Variants in NPM2 observed in about 807,000 individuals in gnomAD.
NPM2 encodes nucleoplasmin-2.
A neutral mutation model predicts 32.0 loss-of-function variants in NPM2; 25 were observed. The observed-to-expected ratio is 0.78, with a 90% CI of 0.57 to 1.09. NPM2 has a LOEUF of 1.09. NPM2 is among the 50% of genes least tolerant of loss of function. The pLI, the probability that NPM2 is intolerant of heterozygous loss-of-function variation, is 0.00. For missense variants in NPM2, 282 were observed against 259.9 expected, an observed-to-expected ratio of 1.08 and a Z score of -0.58; for synonymous variants, 111 against 94.2, an observed-to-expected ratio of 1.18 and a Z score of -1.04.
intron 5 of NPM2, among the ~76,000 whole-genome samples, chr8:22,032,320 A>G (rs370109442): frequency 1.3e-5 from 2 of 152,232 alleles, no homozygotes; most frequent in East Asian, 1.9e-4. Flanking sequence ...ATATCCATAC[A>G]TTATACATAA....
chr8:22,034,318 T>C (rs778851222), intron 7 of NPM2, 43 bp downstream of exon 7: 2 of 1,541,166 alleles, frequency 1.3e-6, no homozygotes, highest in Admixed American at 1.9e-5. Context: ...GTGGTACCCC[T>C]ACAGAAGCAC....
Position 22,034,737 on chromosome 8 carries a change from C to T in NPM2, c.566+193C>T, listed in dbSNP as rs188728436. Among the ~76,000 whole-genome samples the T allele has an allele frequency of 1.6e-3, 245 of 152,302 alleles. 1 individual carries two copies. The highest frequency in any genetic ancestry group is 5.5e-3 in the African/African-American group (229 of 41,558). ...TGGAAGAGCATTACAACGTTCTTAT[C>T]TTGGGATCTAATTCCAGTGAAGGCA... is the stretch of plus-strand genomic sequence containing the variant. On this transcript the variant is annotated intron_variant, in intron 8 of 9. Coordinates refer to ENST00000518119, the MANE Select transcript of NPM2 (RefSeq NM_001286680.2).
At chr8:22,035,420 C>G (rs144118992) in intron 8 of NPM2, among the ~76,000 whole-genome samples, 3 of 152,020 alleles carry the variant, frequency 2.0e-5, no homozygotes, top group Non-Finnish European at 4.4e-5. Flanking sequence ...ACTATAGGCA[C>G]GTGCCACTAT....
Position 22,036,755 on chromosome 8 carries a change from G to A in NPM2, c.*73G>A. On this transcript the variant is annotated 3_prime_UTR_variant, in exon 10 of 10. Transcript: ENST00000518119. ...TGTGCTGCAGGCACAGGGTGCCCCT[G>A]TCCAGCCCCTCCACCTGTGTCTGAA... 7.0e-7 allele frequency: 1 copy of A among 1,433,152 alleles called. No individual in the cohort carries two copies. Among genetic ancestry groups the A allele is most frequent in the South Asian group, 1.4e-5 (1 of 73,654 alleles). 88.8% of individuals were successfully genotyped at this position (1,433,152 alleles called of 1,614,324 possible). A position where few individuals can be genotyped will look rare whatever the true frequency, so the allele number is the denominator to read the frequency against.
intron 5 of NPM2, among the ~76,000 whole-genome samples, chr8:22,028,363 T>A (rs1052787370): frequency 5.3e-5 from 8 of 149,646 alleles, no homozygotes; most frequent in South Asian, 4.3e-4. Flanking sequence ...TTTTTTTTTT[T>A]TTTTTGAGAC....
intron 5 of NPM2, 105 bp from the exon 6 acceptor site, chr8:22,033,025 G>A (rs2117462181): frequency 1.2e-6 from 1 of 812,876 alleles, no homozygotes; most frequent in Non-Finnish European, 2.2e-6. Flanking sequence ...TGAGTAGTGT[G>A]TAGGGTTTGG....
intron 6 of NPM2, 88 bp downstream of exon 6, chr8:22,033,311 A>G: frequency 9.6e-7 from 1 of 1,039,928 alleles, no homozygotes; most frequent in Non-Finnish European, 1.5e-6. Context: ...CACTGGAGGG[A>G]TTCTTGAATG....
At chr8:22,030,112 C>G (rs1256223731) in intron 5 of NPM2, among the ~76,000 whole-genome samples, 1 of 152,152 alleles carries the variant, frequency 6.6e-6, no homozygotes, top group Non-Finnish European at 1.5e-5. Flanking sequence ...CCCGTGTTAG[C>G]TCCCCCAATG....
At chr8:22,030,875 T>C (rs536146658) in intron 5 of NPM2, among the ~76,000 whole-genome samples, 78 of 152,318 alleles carry the variant, frequency 5.1e-4, no homozygotes, top group Non-Finnish European at 9.3e-4. Context: ...ATCAGTGTTC[T>C]AAGTTCTTGG....
chr8:22,028,920 T>C (rs78948332), intron 5 of NPM2, among the ~76,000 whole-genome samples: 5,659 of 152,268 alleles, frequency 0.037, 343 homozygotes, highest in African/African-American at 0.13. Context: ...TTTGTACCCC[T>C]ACTTTCCTTG....
At position 22,034,246 on chromosome 8, in the gene NPM2, G is replaced by A. The variant is rs200510059; in HGVS notation, c.502G>A (p.Val168Met). The change falls in exon 7 of 10, where the codon GTG becomes ATG. Residue 168 changes from valine (V) to methionine (M), a missense_variant. Physicochemically the swap from Val to Met is conservative, Grantham distance 21 (BLOSUM62 1). Coordinates refer to ENST00000518119, the MANE Select transcript of NPM2 (RefSeq NM_001286680.2). The stretch of plus-strand genomic sequence containing the variant: ...CCCTGTCAAACAAGTCAAAAGGCTG[G>A]TGCCCCAGAAGCAGGCGAGCGTGGC... ...QSPVKQVKRL[V>M]PQKQASVAKK... 1.6e-5 allele frequency: 26 copies of A among 1,604,164 alleles called. No homozygotes were observed. The highest frequency in any genetic ancestry group is 2.2e-5 in the East Asian group (1 of 44,816).
At chr8:22,028,345 T>A (rs1800324986) in intron 5 of NPM2, among the ~76,000 whole-genome samples, 3 of 120,284 alleles carry the variant, frequency 2.5e-5, no homozygotes, top group East Asian at 4.2e-4. Context: ...AAAAAGATTT[T>A]TTTTTTTTTT....
rs530704219 is a variant in NPM2, at chr8:22,027,241, G to C, written c.270+1469G>C. ...GTGGAGGGTTCTCTCCTATTCCCTG[G>C]AACAGTGAATGGAAGACTAGGATCA... On this transcript the variant is annotated intron_variant, in intron 5 of 9. Coordinates refer to ENST00000518119, the MANE Select transcript of NPM2 (RefSeq NM_001286680.2). Among the ~76,000 whole-genome samples the C allele has an allele frequency of 9.2e-5, 14 of 152,230 alleles. No homozygotes were observed. In the South Asian group the frequency reaches 2.7e-3, roughly 29 times the overall value.
rs371803413 is a variant in NPM2 at position 22,036,477 on chromosome 8, C to T, written c.567-16C>T. On this transcript the variant is annotated splice_polypyrimidine_tract_variant and intron_variant, in intron 8 of 9. Coordinates refer to ENST00000518119, the MANE Select transcript of NPM2 (RefSeq NM_001286680.2). Reference sequence around the variant, plus strand: ...TGACCCCAATCCCACTCCTGCTCCGCTCCACCCTGTTGCAGAGCCAGCGTT... The same window carrying T: ...TGACCCCAATCCCACTCCTGCTCCGTTCCACCCTGTTGCAGAGCCAGCGTT... The T allele has an allele frequency of 1.1e-5, 17 of 1,602,340 alleles. No individual in the cohort carries two copies. The highest frequency in any genetic ancestry group is 1.4e-5 in the Non-Finnish European group (16 of 1,174,760).
intron 5 of NPM2, among the ~76,000 whole-genome samples, chr8:22,029,942 T>C (rs951892269): frequency 6.6e-6 from 1 of 152,228 alleles, no homozygotes; most frequent in African/African-American, 2.4e-5. Flanking sequence ...TAGATTTATT[T>C]TTTTTGTCTG....
chr8:22,036,460 A>T, intron 8 of NPM2, 33 bp from the exon 9 acceptor site: 2 of 1,594,806 alleles, frequency 1.3e-6, no homozygotes, highest in Non-Finnish European at 1.7e-6. Context: ...CCTGACCCCA[A>T]TCCCACTCCT....
chr8:22,035,608 T>C (rs568214957), intron 8 of NPM2, among the ~76,000 whole-genome samples: 3 of 152,310 alleles, frequency 2.0e-5, no homozygotes, highest in Non-Finnish European at 4.4e-5. Flanking sequence ...GGACATAAAG[T>C]CATTTTTATT....
intron 8 of NPM2, among the ~76,000 whole-genome samples, chr8:22,035,765 C>A (rs1429777199): frequency 6.6e-6 from 1 of 152,036 alleles, no homozygotes; most frequent in African/African-American, 2.4e-5. Flanking sequence ...AAAACCCTGT[C>A]TCTACTAAAA....
Position 22,025,196 on chromosome 8 carries a change from C to A in NPM2, c.-33-20C>A. On this transcript the variant is annotated intron_variant, in intron 2 of 9. Coordinates refer to ENST00000518119, the MANE Select transcript of NPM2 (RefSeq NM_001286680.2). ...GTCAGGGTCAGGGAGCAAGGCCTCA[C>A]GCGGGCGCCCTCCTTGCAGCTGCCC... 3 of 1,588,628 alleles carry A rather than the reference C, an allele frequency of 1.9e-6. No homozygotes were observed. The highest frequency in any genetic ancestry group is 2.3e-5 in the East Asian group (1 of 44,118).
Sources: gnomAD v4.1 joint callset for allele counts (sites outside exome capture counted in the v4.1 genomes callset) on GRCh38, gnomAD v4.1.1 for gene constraint, MANE v1.5 for transcripts, NCBI Gene and HGNC (gene_info 2026-07-23, HGNC 2026-07-21) for gene names.